The following RANBP10 variants were observed in gnomAD, a reference collection of about 807,000 sequenced individuals.
The protein encoded by RANBP10 is ran-binding protein 10.
In RANBP10, 24 loss-of-function variants were observed where a neutral mutation model predicts 72.8. The ratio of observed to expected loss-of-function variants is 0.33; its 90% CI spans 0.24 to 0.46. The LOEUF (loss-of-function observed/expected upper bound fraction) is 0.46. RANBP10 is among the 20% of genes least tolerant of loss of function. The pLI is 1.00. For missense variants in RANBP10, 679 were observed against 817.5 expected (o/e 0.83, Z 2.07); for synonymous variants, 310 against 322.3 (o/e 0.96, Z 0.41).
intron 2 of RANBP10, among the ~76,000 whole-genome samples, chr16:67,798,320 G>A (rs887701766): frequency 1.2e-4 from 19 of 152,166 alleles, no homozygotes; most frequent in South Asian, 4.1e-4. Flanking sequence ...GTTCTCAACA[G>A]CACTGTACAA....
At chr16:67,786,572 C>T (rs1436202896) in intron 2 of RANBP10, among the ~76,000 whole-genome samples, 1 of 152,118 alleles carries the variant, frequency 6.6e-6, no homozygotes, top group Non-Finnish European at 1.5e-5. Context: ...CATCACTAGT[C>T]ATTAGGAAAT....
At chr16:67,775,751 G>A (rs930666366) in intron 2 of RANBP10, among the ~76,000 whole-genome samples, 1 of 133,238 alleles carries the variant, frequency 7.5e-6, no homozygotes, top group Non-Finnish European at 1.5e-5. Context: ...ACTGCAGTAA[G>A]CAAGATTGTG....
rs765364377 is a variant in RANBP10 at position 67,729,414 on chromosome 16, A to G, written c.1218T>C (p.Pro406=). The G allele has an allele frequency of 6.2e-7, 1 of 1,613,354 alleles. No individual in the cohort carries two copies. Among genetic ancestry groups the G allele is most frequent in the South Asian group, 1.1e-5 (1 of 91,008 alleles). Residue 406 remains proline (P), a synonymous_variant, in exon 10 of 14, where the codon CCT becomes CCC. Transcript: ENST00000317506. The surrounding 1 kb of genome is among the most constrained non-coding windows in gnomAD (Gnocchi z 7.1). ...TKSKQNHSKY[P]APSSSSSSSS... ...AGGACGAGGATGAGGAGCTGGGTGC[A>G]GGGTATTTACTGTGGTTCTGTTTGC... is the stretch of plus-strand genomic sequence containing the variant.
chr16:67,769,764 A>G (rs1447892160), intron 3 of RANBP10, among the ~76,000 whole-genome samples: 1 of 149,462 alleles, frequency 6.7e-6, no homozygotes. Flanking sequence ...AAAAAAAAAA[A>G]AAAAAAAAAA....
At chr16:67,804,972 G>A (rs1396241980) in intron 2 of RANBP10, among the ~76,000 whole-genome samples, 1 of 152,034 alleles carries the variant, frequency 6.6e-6, no homozygotes, top group African/African-American at 2.4e-5. Context: ...ATGACAGGCC[G>A]GTGGCCACAG....
At chr16:67,734,068 T>A (rs554482916) in intron 6 of RANBP10, among the ~76,000 whole-genome samples, 1 of 152,210 alleles carries the variant, frequency 6.6e-6, no homozygotes, top group Non-Finnish European at 1.5e-5. Context: ...CAGCCCATCC[T>A]TGGGGCCTGC....
At chr16:67,753,709 C>T (rs1480503091) in intron 3 of RANBP10, among the ~76,000 whole-genome samples, 1 of 152,062 alleles carries the variant, frequency 6.6e-6, no homozygotes, top group Non-Finnish European at 1.5e-5. Context: ...TGGAGCTGAG[C>T]GAGACTTAGG....
At chr16:67,771,900 C>T in intron 3 of RANBP10, 134 bp downstream of exon 3, 1 of 1,022,610 alleles carries the variant, frequency 9.8e-7, no homozygotes, top group Non-Finnish European at 1.4e-6. Flanking sequence ...TTTCAGGATC[C>T]TCCAACCAGT....
At chr16:67,727,498 C>A in intron 12 of RANBP10, 60 bp from the exon 13 acceptor site, 1 of 1,508,090 alleles carries the variant, frequency 6.6e-7, no homozygotes, top group Non-Finnish European at 9.1e-7. Flanking sequence ...CCCTGCTACC[C>A]GTGGCTCCAG....
At chr16:67,760,645 G>GT (rs1345097940) in intron 3 of RANBP10, among the ~76,000 whole-genome samples, 1 of 152,196 alleles carries the variant, frequency 6.6e-6, no homozygotes, top group Non-Finnish European at 1.5e-5. Context: ...AATCCCTGCT[G>GT]TAGTTCTTCC....
chr16:67,760,317 G>A (rs2054371532), intron 3 of RANBP10, among the ~76,000 whole-genome samples: 1 of 152,158 alleles, frequency 6.6e-6, no homozygotes, highest in Admixed American at 6.5e-5. Context: ...CTGCCCTTGT[G>A]AACCTGGCAC....
chr16:67,750,707 T>A (rs1031521631), intron 3 of RANBP10, among the ~76,000 whole-genome samples: 5 of 152,146 alleles, frequency 3.3e-5, no homozygotes, highest in African/African-American at 4.8e-5. Flanking sequence ...TTATGCAAAT[T>A]TTACTGTCCA....
intron 3 of RANBP10, among the ~76,000 whole-genome samples, chr16:67,767,536 A>C (rs1179788332): frequency 6.8e-6 from 1 of 147,906 alleles, no homozygotes; most frequent in East Asian, 2.1e-4. Flanking sequence ...CCTAGATGAG[A>C]GGATTGCTTG....
intron 6 of RANBP10, among the ~76,000 whole-genome samples, chr16:67,734,546 CATCCTCTGCAAA>C (rs2053801247): frequency 1.3e-5 from 2 of 152,210 alleles, no homozygotes; most frequent in South Asian, 2.1e-4. Context: ...GACCACAGGG[CATCCTCTGCAAA>C]ATCCTCTGCA....
chr16:67,785,184 C>T (rs927409750), intron 2 of RANBP10, among the ~76,000 whole-genome samples: 2 of 151,402 alleles, frequency 1.3e-5, no homozygotes, highest in Admixed American at 6.6e-5. Flanking sequence ...TGCATTCCAT[C>T]CTGGGTGACA....
In RANBP10 at chr16:67,728,499, C is replaced by T; in HGVS notation, c.1365G>A (p.Met455Ile). The change falls in exon 11 of 14, where the codon ATG (methionine) becomes ATA (isoleucine). Residue 455 changes from methionine to isoleucine, a missense_variant. Coordinates refer to ENST00000317506, the MANE Select transcript of RANBP10 (RefSeq NM_020850.3). ...TGGGGTAGTGCTCTGCCTCCATCTCCATCTCACTGTCGCTGTGGGGAGGGG... is the reference window on the plus strand; with the variant it reads ...TGGGGTAGTGCTCTGCCTCCATCTCTATCTCACTGTCGCTGTGGGGAGGGG... Reference protein sequence around the residue: ...TSNQETSDSEMEMEAEHYPNG... With the variant: ...TSNQETSDSEIEMEAEHYPNG... 1 of 1,614,150 alleles carries T rather than the reference C, an allele frequency of 6.2e-7. No individual in the cohort carries two copies.
intron 13 of RANBP10, among the ~76,000 whole-genome samples, chr16:67,726,933 TG>T (rs1235547833): frequency 1.3e-5 from 2 of 152,164 alleles, no homozygotes; most frequent in African/African-American, 2.4e-5. Flanking sequence ...CAGCTCTTTC[TG>T]GGGCCAATTG....
chr16:67,742,108 G>A (rs1325570147), intron 4 of RANBP10, among the ~76,000 whole-genome samples: 6 of 149,084 alleles, frequency 4.0e-5, no homozygotes, highest in African/African-American at 7.5e-5. Context: ...ACGGGGTCTC[G>A]CCACTTGCCC....
chr16:67,790,828 C>T lies in RANBP10; in HGVS notation c.347+14600G>A, dbSNP rs2055010484. On this transcript the variant is annotated intron_variant, in intron 2 of 13. Coordinates refer to ENST00000317506, the MANE Select transcript of RANBP10 (RefSeq NM_020850.3). ...AATTCTCCTGCCTCAGCCTCCTGAG[C>T]TGCTGGGATTACAGGCACTCGCCAC... Among the ~76,000 whole-genome samples, 2 of 149,234 alleles carry T rather than the reference C, an allele frequency of 1.3e-5. 1 individual carries two copies. The highest frequency in any genetic ancestry group is 5.0e-5 in the African/African-American group (2 of 40,142).
Sources: allele counts gnomAD v4.1 joint callset (sites outside exome capture counted in the v4.1 genomes callset), GRCh38; gene constraint gnomAD v4.1.1; non-coding constraint Gnocchi (gnomAD v3.1); transcripts MANE v1.5; gene names NCBI Gene and HGNC (gene_info 2026-07-23, HGNC 2026-07-21).